Variants in NEBL observed in about 807,000 individuals in gnomAD.
NEBL encodes the protein LIM and SH3 protein 2.
NEBL carries 122 observed loss-of-function variants against 140.2 expected under a neutral mutation model. That is an observed-to-expected ratio of 0.87 (90% CI 0.75 to 1.01). The LOEUF is 1.01. Ranked by LOEUF, NEBL falls within the 50% of genes least tolerant of loss-of-function variation. The probability of loss-of-function intolerance (pLI) is 0.00; values close to 1 mark genes in which losing one functional copy is unlikely to be tolerated. For missense variants in NEBL, 1,365 were observed against 1,231.3 expected, an observed-to-expected ratio of 1.11 and a Z score of -1.62; for synonymous variants, 436 against 398.9, an observed-to-expected ratio of 1.09 and a Z score of -1.11.
chr10:21,084,579 G>A (rs1836531761), intron 2 of NEBL, among the ~76,000 whole-genome samples: 4 of 151,538 alleles, frequency 2.6e-5, no homozygotes, highest in South Asian at 4.2e-4. Flanking sequence ...CCTGGGTGAC[G>A]GAGCAAGACT....
intron 4 of NEBL, 144 bp from the exon 5 acceptor site, chr10:20,881,048 C>A: frequency 2.8e-6 from 2 of 703,676 alleles, no homozygotes; most frequent in South Asian, 1.5e-5. Flanking sequence ...AGACAATATC[C>A]ACAATGCATT....
chr10:21,255,066 A>C (rs1378666630), intron 1 of NEBL, among the ~76,000 whole-genome samples: 1 of 152,038 alleles, frequency 6.6e-6, no homozygotes, highest in Non-Finnish European at 1.5e-5. Flanking sequence ...TGCTCCCTGC[A>C]AACCTCCCTC....
At chr10:21,024,669 T>C (rs1436613896) in intron 2 of NEBL, among the ~76,000 whole-genome samples, 1 of 152,148 alleles carries the variant, frequency 6.6e-6, no homozygotes, top group African/African-American at 2.4e-5. Flanking sequence ...ACCTAATTAA[T>C]TTCAAACTCA....
intron 7 of NEBL, chr10:20,868,071 T>C (rs1423330248): frequency 7.1e-6 from 1 of 139,878 alleles, no homozygotes; most frequent in Non-Finnish European, 1.5e-5. Context: ...AAAAAAACGC[T>C]GTTGGAGTCT....
chr10:21,219,380 A>T (rs1842037896), intron 3 of NEBL, among the ~76,000 whole-genome samples: 1 of 152,248 alleles, frequency 6.6e-6, no homozygotes, highest in Non-Finnish European at 1.5e-5. Flanking sequence ...GACATTCAAG[A>T]GTATTGAAGC....
upstream of NEBL, among the ~76,000 whole-genome samples, chr10:21,176,439 A>G (rs1841302112): frequency 6.6e-6 from 1 of 152,122 alleles, no homozygotes; most frequent in African/African-American, 2.4e-5. Context: ...TCAGAGTTAC[A>G]TTTTTCTCTC....
At chr10:20,792,825 C>G (rs1461513781) in intron 26 of NEBL, among the ~76,000 whole-genome samples, 1 of 151,594 alleles carries the variant, frequency 6.6e-6, no homozygotes, top group Admixed American at 6.6e-5. Flanking sequence ...AAACAAAACT[C>G]CTGTCTAGTC....
intron 3 of NEBL, among the ~76,000 whole-genome samples, chr10:20,974,681 G>T (rs1052509758): frequency 2.0e-5 from 3 of 151,932 alleles, no homozygotes; most frequent in African/African-American, 7.3e-5. Context: ...ACCTTTAATG[G>T]TTACACATAC....
intron 2 of NEBL, among the ~76,000 whole-genome samples, chr10:21,047,827 G>A (rs1416093038): frequency 2.0e-5 from 3 of 152,124 alleles, no homozygotes; most frequent in Admixed American, 1.3e-4. Context: ...AATCTTCCCC[G>A]CATGCCCGAG....
intron 1 of NEBL, among the ~76,000 whole-genome samples, chr10:21,263,825 C>T (rs771750039): frequency 1.4e-4 from 22 of 151,996 alleles, no homozygotes; most frequent in Non-Finnish European, 2.9e-4. Flanking sequence ...ATTAGCCGGG[C>T]GTGGTGGTGG....
chr10:21,255,586 T>C (rs1302717749), intron 1 of NEBL, among the ~76,000 whole-genome samples: 1 of 152,228 alleles, frequency 6.6e-6, no homozygotes, highest in African/African-American at 2.4e-5. Flanking sequence ...ACGTGGCTAG[T>C]GGCCACTTTA....
chr10:21,006,505 CA>C (rs1838145045), intron 3 of NEBL, among the ~76,000 whole-genome samples: 1 of 152,206 alleles, frequency 6.6e-6, no homozygotes, highest in Non-Finnish European at 1.5e-5. Flanking sequence ...CCTGTAAATC[CA>C]ACCAGTCCTT....
chr10:20,800,906 A>T (rs543534748), intron 26 of NEBL, among the ~76,000 whole-genome samples: 1 of 152,278 alleles, frequency 6.6e-6, no homozygotes, highest in Admixed American at 6.5e-5. Context: ...CTACAAGTGT[A>T]GGTCACTGGT....
rs1413497879 is a variant in NEBL, at chr10:20,785,238, A to G, written c.*509T>C. The G allele has an allele frequency of 5.9e-6, 1 of 168,494 alleles. No individual in the cohort carries two copies. Among genetic ancestry groups the G allele is most frequent in the African/African-American group, 2.4e-5 (1 of 41,560 alleles). The allele number at this position is 168,494 out of a possible 1,614,324, so 10.4% of individuals were successfully genotyped here. On this transcript the variant is annotated 3_prime_UTR_variant, in exon 28 of 28. Transcript: ENST00000377122. ...AAGGCCACCAGTCAATATAATTTTAACCAGACTGTCCTTCTGCCACTGTTT... is the reference window on the plus strand; with the variant it reads ...AAGGCCACCAGTCAATATAATTTTAGCCAGACTGTCCTTCTGCCACTGTTT...
intron 3 of NEBL, among the ~76,000 whole-genome samples, chr10:21,181,596 G>T (rs977663496): frequency 6.6e-6 from 1 of 152,160 alleles, no homozygotes; most frequent in Non-Finnish European, 1.5e-5. Flanking sequence ...TCAGCTGAGC[G>T]GCCTGCATTA....
chr10:21,157,332 G>T (rs954862728), intron 2 of NEBL, among the ~76,000 whole-genome samples: 2 of 152,174 alleles, frequency 1.3e-5, no homozygotes, highest in African/African-American at 2.4e-5. Flanking sequence ...CACTTTGGGA[G>T]GCCGAGGTGG....
At chr10:20,787,380 G>A in intron 26 of NEBL, 72 bp from the exon 27 acceptor site, 1 of 1,176,398 alleles carries the variant, frequency 8.5e-7, no homozygotes. Context: ...CAAACCCTCA[G>A]AGTGATGTTA....
chr10:21,222,695 T>C (rs1316637533), intron 3 of NEBL, among the ~76,000 whole-genome samples: 1 of 152,212 alleles, frequency 6.6e-6, no homozygotes, highest in Non-Finnish European at 1.5e-5. Flanking sequence ...ATGGGGTAAA[T>C]GGAATATCCA....
chr10:21,053,363 CTG>C (rs1430932208), intron 2 of NEBL, among the ~76,000 whole-genome samples: 3 of 152,106 alleles, frequency 2.0e-5, no homozygotes, highest in African/African-American at 7.2e-5. Context: ...TAGATGCTTT[CTG>C]TGAGTCCCTG....
Sources: gnomAD v4.1 joint callset for allele counts (sites outside exome capture counted in the v4.1 genomes callset) on GRCh38, gnomAD v4.1.1 for gene constraint, MANE v1.5 for transcripts, NCBI Gene and HGNC (gene_info 2026-07-23, HGNC 2026-07-21) for gene names.